The following ADH1C variants were observed in gnomAD, a reference collection of about 807,000 sequenced individuals.
ADH1C encodes the protein alcohol dehydrogenase 1C (class I), gamma polypeptide.
Under a neutral mutation model 35.0 loss-of-function variants are expected in ADH1C, and 26 were observed. The observed-to-expected ratio is 0.74, with a 90% confidence interval of 0.54 to 1.03. The LOEUF (loss-of-function observed/expected upper bound fraction) is 1.03. Ranked by LOEUF, ADH1C falls within the 50% of genes least tolerant of loss-of-function variation. The pLI, the probability that ADH1C is intolerant of heterozygous loss-of-function variation, is 0.00. For missense variants in ADH1C, 413 were observed against 465.4 expected (o/e 0.89, Z 1.04); for synonymous variants, 170 against 169.3 (o/e 1.00, Z -0.03).
At chr4:99,350,859 C>T (rs776206860) in intron 1 of ADH1C, among the ~76,000 whole-genome samples, 6 of 152,232 alleles carry the variant, frequency 3.9e-5, no homozygotes, top group Admixed American at 6.5e-5. Context: ...AAGATCAGGC[C>T]GGGTGCAGTT....
rs755134376 is a variant in ADH1C, at chr4:99,347,793, A to G, written c.72T>C (p.Ile24=). 1 of 1,613,890 alleles carries G rather than the reference A, an allele frequency of 6.2e-7. No individual in the cohort carries two copies. The highest frequency in any genetic ancestry group is 8.5e-7 in the Non-Finnish European group (1 of 1,179,828). ...VLWELKKPFS[I]EEVEVAPPKA... is the part of the protein sequence containing the mutation. ...TAGGAGGTGCAACCTCTACCTCCTC[A>G]ATGGAAAAGGGTTTCTTTAACTCCC... is the stretch of plus-strand genomic sequence containing the variant. The change falls in exon 2 of 9, where the codon ATT becomes ATC. Residue 24 remains isoleucine, a synonymous_variant. Transcript: ENST00000515683.
chr4:99,337,067 A>T (rs1391088), intron 8 of ADH1C, among the ~76,000 whole-genome samples: 4 of 152,170 alleles, frequency 2.6e-5, no homozygotes, highest in African/African-American at 9.7e-5. Flanking sequence ...GGCGTGCCCA[A>T]GTTCCTGGTA....
At chr4:99,337,592 G>A (rs1178461224) in intron 8 of ADH1C, among the ~76,000 whole-genome samples, 1 of 151,910 alleles carries the variant, frequency 6.6e-6, no homozygotes, top group African/African-American at 2.4e-5. Flanking sequence ...TATATATAGT[G>A]TGTGTGTGGT....
At chr4:99,346,805 G>A (rs932306345) in intron 3 of ADH1C, among the ~76,000 whole-genome samples, 1 of 152,086 alleles carries the variant, frequency 6.6e-6, no homozygotes, top group Non-Finnish European at 1.5e-5. Context: ...TGGTTGAAGG[G>A]TAGAATACAC....
intron 1 of ADH1C, 126 bp from the exon 2 acceptor site, chr4:99,347,972 A>T: frequency 9.8e-7 from 1 of 1,016,304 alleles, no homozygotes; most frequent in Non-Finnish European, 1.5e-6. Context: ...GTTGCATAGA[A>T]ATGAAGTCCT....
intron 8 of ADH1C, 44 bp downstream of exon 8, chr4:99,339,533 A>G: frequency 9.0e-6 from 9 of 996,122 alleles, no homozygotes; most frequent in Non-Finnish European, 1.1e-5. Flanking sequence ...CCCCGCCGCT[A>G]CTGTAGAATA....
intron 6 of ADH1C, 125 bp downstream of exon 6, chr4:99,342,670 A>G: frequency 6.8e-7 from 1 of 1,471,482 alleles, no homozygotes. Context: ...AGGTAACAAA[A>G]AGATGACGGG....
chr4:99,351,334 T>A (rs1734674096), intron 1 of ADH1C, among the ~76,000 whole-genome samples: 1 of 152,156 alleles, frequency 6.6e-6, no homozygotes, highest in Non-Finnish European at 1.5e-5. Flanking sequence ...GAAATAGACA[T>A]TAGTATTGTC....
chr4:99,346,775 T>C (rs983144360), intron 3 of ADH1C, among the ~76,000 whole-genome samples: 1 of 152,130 alleles, frequency 6.6e-6, no homozygotes, highest in African/African-American at 2.4e-5. Flanking sequence ...ACCTAGTGCC[T>C]GGCATCTAGT....
At chr4:99,349,155 G>T (rs868353155) in intron 1 of ADH1C, among the ~76,000 whole-genome samples, 1 of 142,418 alleles carries the variant, frequency 7.0e-6, no homozygotes, top group East Asian at 2.0e-4. Flanking sequence ...GTCAATTTTG[G>T]CTTTTGTTGC....
Position 99,339,695 on chromosome 4 carries a change from C to T in ADH1C, c.985G>A (p.Val329Ile), listed in dbSNP as rs746619940. Residue 329 changes from valine to isoleucine, a missense_variant, in exon 8 of 9, where the codon GTC (valine) becomes ATC (isoleucine). Coordinates refer to ENST00000515683, the MANE Select transcript of ADH1C (RefSeq NM_000669.5). ...ATAAAGTCAGCCACAAGTTTGGGGA[C>T]AGATTCTTTACTCTTAAAGCCTGAA... ...IFGGFKSKES[V>I]PKLVADFMAK... 1 of 1,611,598 alleles carries T rather than the reference C, an allele frequency of 6.2e-7. No homozygotes were observed. Among genetic ancestry groups the T allele is most frequent in the East Asian group, 2.2e-5 (1 of 44,752 alleles).
At chr4:99,338,466 T>G (rs1734336171) in intron 8 of ADH1C, among the ~76,000 whole-genome samples, 1 of 123,852 alleles carries the variant, frequency 8.1e-6, no homozygotes, top group African/African-American at 3.0e-5. Context: ...AGGGGTGGTG[T>G]GGTTTAATAG....
At position 99,340,603 on chromosome 4, in the gene ADH1C, T is replaced by C. The variant is rs184736272; in HGVS notation, c.936A>G (p.Gly312=). 2 of 1,614,098 alleles carry C rather than the reference T, an allele frequency of 1.2e-6. No individual in the cohort carries two copies. Among genetic ancestry groups the C allele is most frequent in the East Asian group, 2.2e-5 (1 of 44,876 alleles). The change falls in exon 7 of 9, where the codon GGA becomes GGG. Residue 312 remains glycine, a synonymous_variant. Coordinates refer to ENST00000515683, the MANE Select transcript of ADH1C (RefSeq NM_000669.5). ...CAAAAATAGCTCCTTTCCACGTGCG[T>C]CCAGTCAGTAGCAGCATAGGGTTTA... ...LSINPMLLLT[G]RTWKGAIFGG... is the part of the protein sequence containing the mutation.
chr4:99,345,070 G>A lies in ADH1C; in HGVS notation c.359C>T (p.Pro120Leu), dbSNP rs778298993. The change falls in exon 5 of 9, where the codon CCT (proline) becomes CTT (leucine). Residue 120 changes from proline to leucine, a missense_variant. Physicochemically the swap from Pro to Leu is moderately conservative, Grantham distance 98 (BLOSUM62 -3). Transcript: ENST00000515683. ...GGTGCCATCCTGCAGGGTCCCCCGA[G>A]GATTGCCTAGACTGGGCAGTGCAAT... ...NYCLKNDLGN[P>L]RGTLQDGTRR... 2 of 1,614,176 alleles carry A rather than the reference G, an allele frequency of 1.2e-6. No individual in the cohort carries two copies. The highest frequency in any genetic ancestry group is 1.7e-6 in the Non-Finnish European group (2 of 1,180,024).
intron 2 of ADH1C, 53 bp from the exon 3 acceptor site, chr4:99,347,197 T>C: frequency 6.4e-7 from 1 of 1,566,222 alleles, no homozygotes; most frequent in South Asian, 1.2e-5. Flanking sequence ...GACTGTCAGA[T>C]GGACTTAACA....
At chr4:99,349,156 C>T (rs1579535467) in intron 1 of ADH1C, among the ~76,000 whole-genome samples, 1 of 142,462 alleles carries the variant, frequency 7.0e-6, no homozygotes, top group Non-Finnish European at 1.5e-5. Flanking sequence ...TCAATTTTGG[C>T]TTTTGTTGCC....
At chr4:99,344,769 A>C in intron 5 of ADH1C, 93 bp downstream of exon 5, 1 of 1,531,600 alleles carries the variant, frequency 6.5e-7, no homozygotes, top group Non-Finnish European at 9.0e-7. Context: ...TCAAATCTAC[A>C]AAAATAATTT....
intron 3 of ADH1C, among the ~76,000 whole-genome samples, chr4:99,346,175 T>C (rs1488498430): frequency 6.6e-6 from 1 of 152,204 alleles, no homozygotes; most frequent in Non-Finnish European, 1.5e-5. Context: ...TTTAATCACC[T>C]ATGCTATCTA....
At chr4:99,340,922 C>T (rs747675442) in intron 6 of ADH1C, among the ~76,000 whole-genome samples, 5 of 152,066 alleles carry the variant, frequency 3.3e-5, no homozygotes, top group Non-Finnish European at 7.4e-5. Flanking sequence ...AAAGCATGGA[C>T]GAATAAATTT....
Sources: gnomAD v4.1 joint callset for allele counts (sites outside exome capture counted in the v4.1 genomes callset) on GRCh38, gnomAD v4.1.1 for gene constraint, MANE v1.5 for transcripts, NCBI Gene and HGNC (gene_info 2026-07-23, HGNC 2026-07-21) for gene names.